SMURF2: variants seen among roughly 807,000 people sequenced by gnomAD.
SMURF2 encodes SMAD specific E3 ubiquitin protein ligase 2.
Under a neutral mutation model 109.6 loss-of-function variants are expected in SMURF2, and 48 were observed. The observed-to-expected ratio is 0.44, with a 90% CI of 0.35 to 0.56. The LOEUF (loss-of-function observed/expected upper bound fraction) is 0.56, where lower values mean the gene tolerates loss of function less well. Among genes scored for constraint, SMURF2 ranks in the 20% least tolerant of loss-of-function variants. The probability of loss-of-function intolerance (pLI) is 0.01; values close to 1 mark genes in which losing one functional copy is unlikely to be tolerated. For synonymous variants in SMURF2, 288 were observed against 317.1 expected (o/e 0.91, Z 0.97); for missense variants, 575 against 909.0 (o/e 0.63, Z 4.72).
At chr17:64,578,696 T>G (rs1362617375) in intron 8 of SMURF2, 120 bp from the exon 9 acceptor site, 2 of 638,466 alleles carry the variant, frequency 3.1e-6, no homozygotes, top group Non-Finnish European at 5.4e-6. Context: ...TCTATTTTAT[T>G]TATTATCAAA....
At position 64,621,903 on chromosome 17, in the gene SMURF2, A is replaced by AAAT. The variant is rs201565708; in HGVS notation, c.53-15266_53-15264dup. 6.4e-3 allele frequency among the ~76,000 whole-genome samples: 903 copies of AAAT among 141,818 alleles called. 13 individuals are homozygous for AAAT. Among genetic ancestry groups the AAAT allele is most frequent in the East Asian group, 0.021 (105 of 5,048 alleles). The allele number at this position is 141,818 out of a possible 152,430, so 93.0% of individuals were successfully genotyped here. A position where few individuals can be genotyped will look rare whatever the true frequency, so the allele number is the denominator to read the frequency against. On this transcript the variant is annotated intron_variant, in intron 1 of 18. Coordinates refer to ENST00000262435, the MANE Select transcript of SMURF2 (RefSeq NM_022739.4). ...AAAATAAATAAATAAATAAATAAAT[A>AAAT]AATAATAATAATAATAATAATAAAA...
intron 3 of SMURF2, among the ~76,000 whole-genome samples, chr17:64,596,585 CAAAAAAAAAAA>C (rs201858792): frequency 2.2e-4 from 10 of 45,472 alleles, no homozygotes; most frequent in African/African-American, 2.5e-4. Flanking sequence ...GGAGAGTAAA[CAAAAAAAAAAA>C]AAAAAAAAAA....
intron 1 of SMURF2, among the ~76,000 whole-genome samples, chr17:64,640,175 A>T (rs1568206630): frequency 1.3e-5 from 2 of 152,238 alleles, no homozygotes; most frequent in Admixed American, 6.5e-5. Flanking sequence ...GACAGTAAAC[A>T]GGTAAATAAA....
rs954265972 is a variant in SMURF2 at position 64,662,154 on chromosome 17, GC to G, written c.-275del. 2 of 1,032,946 alleles carry G rather than the reference GC, an allele frequency of 1.9e-6. No homozygotes were observed. Among genetic ancestry groups the G allele is most frequent in the Non-Finnish European group, 2.3e-6 (2 of 862,058 alleles). The allele number at this position is 1,032,946 out of a possible 1,614,324, so 64.0% of individuals were successfully genotyped here. A position where few individuals can be genotyped will look rare whatever the true frequency, so the allele number is the denominator to read the frequency against. On this transcript the variant is annotated 5_prime_UTR_variant, in exon 1 of 19. Coordinates refer to ENST00000262435, the MANE Select transcript of SMURF2 (RefSeq NM_022739.4). ...CCGCGCCGCCTCCGCCCGCGCCCCC[GC>G]CGCCTCCTCGCGGCCGCCGAGGCCT...
intron 11 of SMURF2, among the ~76,000 whole-genome samples, chr17:64,562,059 C>T (rs575979940): frequency 2.6e-5 from 4 of 151,958 alleles, no homozygotes; most frequent in African/African-American, 9.7e-5. Context: ...CTTTGGGAGG[C>T]TGAGGCGGGC....
At chr17:64,602,409 A>G (rs1201387560) in intron 2 of SMURF2, among the ~76,000 whole-genome samples, 4 of 152,238 alleles carry the variant, frequency 2.6e-5, no homozygotes, top group African/African-American at 9.6e-5. Flanking sequence ...GGAAAGTCAC[A>G]GCCTTTTATG....
chr17:64,605,057 C>T (rs1405220932), intron 2 of SMURF2, among the ~76,000 whole-genome samples: 4 of 151,134 alleles, frequency 2.6e-5, no homozygotes, highest in African/African-American at 9.7e-5. Flanking sequence ...TCAACCTTAT[C>T]AAAGGTTAAA....
rs1969403897 is a variant in SMURF2, at chr17:64,571,894, T to C, written c.920A>G (p.Asn307Ser). ...GPLPPGWEIR[N>S]TATGRVYFVD... is the part of the protein sequence containing the mutation. ...GAAATAAACTCTGCCTGTTGCCGTA[T>C]TACGGATCTCCCATCCAGGAGGCAA... Residue 307 changes from asparagine to serine, a missense_variant, in exon 10 of 19, where the codon AAT becomes AGT. Transcript: ENST00000262435. 6.2e-7 allele frequency: 1 copy of C among 1,613,808 alleles called. No homozygotes were observed. The highest frequency in any genetic ancestry group is 8.5e-7 in the Non-Finnish European group (1 of 1,179,920).
intron 1 of SMURF2, among the ~76,000 whole-genome samples, chr17:64,632,052 G>A (rs782342666): frequency 2.1e-4 from 31 of 144,586 alleles, no homozygotes; most frequent in East Asian, 6.3e-4. Flanking sequence ...TCTGCCTCCC[G>A]GGTTCAAGCA....
chr17:64,630,797 T>C (rs1036439594), intron 1 of SMURF2, among the ~76,000 whole-genome samples: 3 of 152,208 alleles, frequency 2.0e-5, no homozygotes, highest in Non-Finnish European at 4.4e-5. Flanking sequence ...GGCTGTCCTT[T>C]ATATCATTGC....
chr17:64,561,479 AG>A lies in SMURF2; in HGVS notation c.1316+20del. ...TAAGTACAAAGATCCATATGTCATA[AG>A]CTGGCAAGCAAGTCCATACCTGGCA... On this transcript the variant is annotated intron_variant, in intron 12 of 18. Transcript: ENST00000262435. 2 of 1,527,382 alleles carry A rather than the reference AG, an allele frequency of 1.3e-6. No homozygotes were observed. The highest frequency in any genetic ancestry group is 1.8e-6 in the Non-Finnish European group (2 of 1,102,970). 94.6% of individuals were successfully genotyped at this position (1,527,382 alleles called of 1,614,324 possible).
In SMURF2 at chr17:64,575,940, C is replaced by G. The variant is rs1178265391; in HGVS notation, c.857+2552G>C. ...CAAAATAGGGCCAAGCATGGTGGCT[C>G]ATGCCTGTAATCCCAGCACTTTGGG... is the stretch of plus-strand genomic sequence containing the variant. On this transcript the variant is annotated intron_variant, in intron 9 of 18. Transcript: ENST00000262435. 2.0e-5 allele frequency among the ~76,000 whole-genome samples: 3 copies of G among 152,074 alleles called. No homozygotes were observed. In the East Asian group the frequency reaches 5.8e-4, roughly 29 times the overall value.
intron 16 of SMURF2, among the ~76,000 whole-genome samples, chr17:64,549,593 T>C (rs1969010684): frequency 6.9e-6 from 1 of 144,152 alleles, no homozygotes; most frequent in Non-Finnish European, 1.5e-5. Context: ...CCATCTCTAC[T>C]AAAAATACAA....
At chr17:64,606,345 T>A (rs1344501356) in intron 2 of SMURF2, among the ~76,000 whole-genome samples, 1 of 152,150 alleles carries the variant, frequency 6.6e-6, no homozygotes, top group African/African-American at 2.4e-5. Context: ...TACACACATC[T>A]GCATTTACAC....
chr17:64,586,345 G>A (rs1156364604), intron 5 of SMURF2, among the ~76,000 whole-genome samples, 175 bp from the exon 6 acceptor site: 4 of 152,110 alleles, frequency 2.6e-5, no homozygotes, highest in African/African-American at 9.7e-5. Flanking sequence ...CCCTTTAGGA[G>A]TAATATTAGA....
chr17:64,562,735 A>G (rs1555684635), intron 11 of SMURF2, 36 bp downstream of exon 11: 1 of 1,594,120 alleles, frequency 6.3e-7, no homozygotes, highest in Non-Finnish European at 8.6e-7. Context: ...TTCTGGAAAA[A>G]AAAATAGTAA....
chr17:64,597,463 G>A (rs1434513243), intron 3 of SMURF2, among the ~76,000 whole-genome samples: 2 of 151,922 alleles, frequency 1.3e-5, no homozygotes, highest in Non-Finnish European at 2.9e-5. Context: ...CATCTTCTAG[G>A]TAGGAAATTC....
intron 5 of SMURF2, among the ~76,000 whole-genome samples, chr17:64,587,721 C>A (rs1969683116): frequency 6.6e-6 from 1 of 152,160 alleles, no homozygotes; most frequent in African/African-American, 2.4e-5. Flanking sequence ...GAGGAGAGAA[C>A]ACTATGAACA....
chr17:64,619,715 T>A (rs1199681551), intron 1 of SMURF2, among the ~76,000 whole-genome samples: 3 of 151,944 alleles, frequency 2.0e-5, no homozygotes, highest in Non-Finnish European at 4.4e-5. Flanking sequence ...GCCCCCATAA[T>A]CTCTCCCATG....
Sources: allele counts gnomAD v4.1 joint callset (sites outside exome capture counted in the v4.1 genomes callset), GRCh38; gene constraint gnomAD v4.1.1; transcripts MANE v1.5; gene names NCBI Gene and HGNC (gene_info 2026-07-23, HGNC 2026-07-21).